The following PRDM16 variants were observed in gnomAD, a reference collection of about 807,000 sequenced individuals.
PRDM16 encodes PR/SET domain 16.
PRDM16 carries 23 observed loss-of-function variants against 110.6 expected under a neutral mutation model. The observed-to-expected ratio is 0.21, with a 90% CI of 0.15 to 0.29. The LOEUF (loss-of-function observed/expected upper bound fraction) is 0.29. PRDM16 is among the 10% of genes least tolerant of loss of function. The pLI is 1.00. For synonymous variants in PRDM16, 799 were observed against 781.8 expected (o/e 1.02, Z -0.37); for missense variants, 1,615 against 1,794.3 (o/e 0.90, Z 1.81).
intron 1 of PRDM16, among the ~76,000 whole-genome samples, chr1:3,165,735 TCAGGGACAGTGACTCACCTGGGCC>T (rs1643947348): frequency 1.5e-5 from 1 of 68,006 alleles, no homozygotes; most frequent in Non-Finnish European, 2.4e-5. Flanking sequence ...TCACCTGGGC[TCAGGGACAGTGACTCACCTGGGCC>T]CAGGGACAGG....
Position 3,330,019 on chromosome 1 carries a change from G to A in PRDM16, c.439-55133G>A, listed in dbSNP as rs531678352. Among the ~76,000 whole-genome samples, 10 of 152,348 alleles carry A rather than the reference G, an allele frequency of 6.6e-5. No individual in the cohort carries two copies. The South Asian group carries it at 2.1e-3, about 32-fold the overall frequency. On this transcript the variant is annotated intron_variant, in intron 3 of 16. Coordinates refer to ENST00000270722, the MANE Select transcript of PRDM16 (RefSeq NM_022114.4). ...TTTAAGAATGCAGGTCCTCTGCCAG[G>A]GCTCTGATTGCGATCACAAGTGATG...
chr1:3,295,560 C>T (rs562590366), intron 3 of PRDM16, among the ~76,000 whole-genome samples: 2 of 152,194 alleles, frequency 1.3e-5, no homozygotes, highest in East Asian at 3.9e-4. Context: ...GAACAAAAGG[C>T]CCCTTCACTG....
rs573444918 is a variant in PRDM16, at chr1:3,203,588, G to C, written c.387+17114G>C. ...GTCCGTGCGTTTCTCTCCCCGGGGGGGCCAGGGTGTGGTGCAGATCTTCCC... is the reference window on the plus strand; with the variant it reads ...GTCCGTGCGTTTCTCTCCCCGGGGGCGCCAGGGTGTGGTGCAGATCTTCCC... On this transcript the variant is annotated intron_variant, in intron 2 of 16. Transcript: ENST00000270722. Among the ~76,000 whole-genome samples the C allele has an allele frequency of 9.8e-4, 150 of 152,336 alleles. 1 individual carries two copies. The highest frequency in any genetic ancestry group is 3.4e-3 in the African/African-American group (143 of 41,572).
At chr1:3,108,187 G>A (rs564233369) in intron 1 of PRDM16, among the ~76,000 whole-genome samples, 24 of 152,348 alleles carry the variant, frequency 1.6e-4, no homozygotes, top group South Asian at 1.0e-3. Flanking sequence ...TGGTCTTGCC[G>A]TTTGTCCTTA....
rs935290385 is a variant in PRDM16 at position 3,175,644 on chromosome 1, G to T, written c.38-10481G>T. 6.6e-6 allele frequency among the ~76,000 whole-genome samples: 1 copy of T among 152,178 alleles called. No homozygotes were observed. The highest frequency in any genetic ancestry group is 2.4e-5 in the African/African-American group (1 of 41,434). ...CAGGTGGAAGCTGCAGTCCCGTGGA[G>T]CCAGGCACAGCTCCGGCCAAGTCCC... On this transcript the variant is annotated intron_variant, in intron 1 of 16. Coordinates refer to ENST00000270722, the MANE Select transcript of PRDM16 (RefSeq NM_022114.4). The surrounding 1 kb of genome is among the most constrained non-coding windows in gnomAD (Gnocchi z 4.8).
At chr1:3,371,337 A>G (rs1642904359) in intron 3 of PRDM16, among the ~76,000 whole-genome samples, 1 of 150,786 alleles carries the variant, frequency 6.6e-6, no homozygotes, top group Non-Finnish European at 1.5e-5. Context: ...CCATCCATTC[A>G]TCCATTCACC....
intron 3 of PRDM16, among the ~76,000 whole-genome samples, chr1:3,260,629 A>G (rs1453164395): frequency 1.3e-5 from 2 of 148,612 alleles, no homozygotes; most frequent in Non-Finnish European, 3.0e-5. Context: ...GATGGTGACC[A>G]TGGTGGTAGT....
chr1:3,203,450 G>A (rs572085426), intron 2 of PRDM16, among the ~76,000 whole-genome samples: 3 of 152,248 alleles, frequency 2.0e-5, no homozygotes, highest in Non-Finnish European at 4.4e-5. Flanking sequence ...CCGTAGGGGC[G>A]CTGCCGCAAG....
intron 3 of PRDM16, among the ~76,000 whole-genome samples, chr1:3,357,454 G>A (rs1642629657): frequency 6.6e-6 from 1 of 152,062 alleles, no homozygotes; most frequent in African/African-American, 2.4e-5. Flanking sequence ...GCAGGATGGA[G>A]AGTCTCACCA....
chr1:3,301,752 A>G (rs958615801), intron 3 of PRDM16, among the ~76,000 whole-genome samples: 1 of 152,238 alleles, frequency 6.6e-6, no homozygotes, highest in African/African-American at 2.4e-5. Context: ...GCTGGCCCAG[A>G]CATCCAGGGT....
chr1:3,113,929 A>AT (rs903991328), intron 1 of PRDM16, among the ~76,000 whole-genome samples: 7 of 152,132 alleles, frequency 4.6e-5, no homozygotes, highest in African/African-American at 1.2e-4. Flanking sequence ...TTGAGGGAGA[A>AT]TTTTTTTCTT....
intron 3 of PRDM16, among the ~76,000 whole-genome samples, chr1:3,356,203 A>G (rs1406248645): frequency 6.6e-6 from 1 of 152,208 alleles, no homozygotes; most frequent in African/African-American, 2.4e-5. Context: ...GCACAGATGA[A>G]TCACGCAGGG....
chr1:3,210,665 G>A (rs1333924993), intron 2 of PRDM16, among the ~76,000 whole-genome samples: 1 of 152,196 alleles, frequency 6.6e-6, no homozygotes, highest in Admixed American at 6.5e-5. Flanking sequence ...GGGTTCACAG[G>A]GCTGGAAGGG....
Position 3,405,602 on chromosome 1 carries a change from C to T in PRDM16, c.1140C>T (p.Gly380=). The stretch of plus-strand genomic sequence containing the variant: ...GGAAGACCTTCGCCACGTCCTCCGG[C>T]CTCAAGCAGCACAAGCATATCCACA... The part of the protein sequence containing the change: ...DCGKTFATSS[G]LKQHKHIHST... The change falls in exon 8 of 17, where the codon GGC becomes GGT. Residue 380 remains glycine (G), a synonymous_variant. Transcript: ENST00000270722. The T allele has an allele frequency of 1.2e-6, 2 of 1,611,490 alleles. No individual in the cohort carries two copies. Among genetic ancestry groups the T allele is most frequent in the Non-Finnish European group, 1.7e-6 (2 of 1,179,154 alleles).
chr1:3,119,557 G>T (rs1002999836), intron 1 of PRDM16, among the ~76,000 whole-genome samples: 2 of 152,210 alleles, frequency 1.3e-5, no homozygotes, highest in Non-Finnish European at 2.9e-5. Flanking sequence ...TGGCATCCAG[G>T]GCAGGGGGTG....
rs565008525 is a variant in PRDM16, at chr1:3,213,070, G to A, written c.387+26596G>A. ...GGGTCGGCTCGCCCGCCTGCCGCACGCTTCCCCGGGAGGCCGAGCTCAGGA... is the reference window on the plus strand; with the variant it reads ...GGGTCGGCTCGCCCGCCTGCCGCACACTTCCCCGGGAGGCCGAGCTCAGGA... On this transcript the variant is annotated intron_variant, in intron 2 of 16. Transcript: ENST00000270722. This position sits in a 1 kb window ranked among gnomAD's most constrained non-coding sequence, Gnocchi z 5.3. 1.0e-3 allele frequency among the ~76,000 whole-genome samples: 155 copies of A among 152,308 alleles called. 1 individual carries two copies. The highest frequency in any genetic ancestry group is 3.5e-3 in the African/African-American group (145 of 41,574).
intron 3 of PRDM16, among the ~76,000 whole-genome samples, chr1:3,321,900 G>A (rs553968018): frequency 6.6e-6 from 1 of 151,910 alleles, no homozygotes; most frequent in Admixed American, 6.6e-5. Flanking sequence ...GTTTGTGTTT[G>A]TAGGAGCACG....
intron 1 of PRDM16, among the ~76,000 whole-genome samples, chr1:3,123,327 T>C (rs1450411881): frequency 2.0e-5 from 3 of 151,514 alleles, no homozygotes; most frequent in Non-Finnish European, 4.4e-5. Context: ...GGCTGAGGGG[T>C]TCAAAGCAAT....
chr1:3,345,803 TGGTTCCTCCTGTGCTGCCCTCTC>T (rs377373723), intron 3 of PRDM16, among the ~76,000 whole-genome samples: 30 of 73,622 alleles, frequency 4.1e-4, no homozygotes, highest in African/African-American at 1.3e-3. Flanking sequence ...GGCCACCCCT[TGGTTCCTCCTGTGCTGCCCTCTC>T]GGGTCCTCCC....
Sources: gnomAD v4.1 joint callset for allele counts (sites outside exome capture counted in the v4.1 genomes callset) on GRCh38, gnomAD v4.1.1 for gene constraint, Gnocchi (gnomAD v3.1) non-coding constraint, MANE v1.5 for transcripts, NCBI Gene and HGNC (gene_info 2026-07-23, HGNC 2026-07-21) for gene names.